The following PHF24 variants were observed in gnomAD, a reference collection of about 807,000 sequenced individuals.
PHF24 encodes PHD finger protein 24.
PHF24 carries 25 observed loss-of-function variants against 42.6 expected under a neutral mutation model. The ratio of observed to expected loss-of-function variants is 0.59; its 90% CI spans 0.43 to 0.82. The LOEUF is 0.82. Among genes scored for constraint, PHF24 ranks in the 40% least tolerant of loss-of-function variants. The probability of loss-of-function intolerance (pLI) is 0.00; values close to 1 mark genes in which losing one functional copy is unlikely to be tolerated. For synonymous variants in PHF24, 185 were observed against 204.8 expected (o/e 0.90, Z 0.83); for missense variants, 470 against 538.1 (o/e 0.87, Z 1.25).
chr9:34,897,709 A>G, the PHF24 span, among the ~76,000 whole-genome samples: 2 of 152,200 alleles, frequency 1.3e-5, no homozygotes, highest in African/African-American at 4.8e-5. Context: ...ATTAGGGAAC[A>G]GGTGGTGTTT....
chr9:34,753,531 G>A, the PHF24 span, among the ~76,000 whole-genome samples: 6 of 152,048 alleles, frequency 3.9e-5, no homozygotes, highest in Non-Finnish European at 5.9e-5. Context: ...CTCATGTATC[G>A]AAAAGCTCCA....
At chr9:34,680,111 C>G in the PHF24 span, among the ~76,000 whole-genome samples, 1 of 152,150 alleles carries the variant, frequency 6.6e-6, no homozygotes, top group Admixed American at 6.5e-5. Context: ...TGCAGTGGCT[C>G]ATGCCTGTAA....
the PHF24 span, among the ~76,000 whole-genome samples, chr9:34,760,053 T>C: frequency 1.2e-4 from 18 of 152,214 alleles, no homozygotes; most frequent in East Asian, 2.3e-3. Context: ...GCATGGATCA[T>C]CACATTTGCC....
the PHF24 span, among the ~76,000 whole-genome samples, chr9:34,703,804 C>T: frequency 3.6e-4 from 55 of 151,866 alleles, no homozygotes; most frequent in African/African-American, 1.3e-3. Context: ...GGGCTTAAGC[C>T]GTTCTCCTAC....
the PHF24 span, among the ~76,000 whole-genome samples, chr9:34,879,354 A>C: frequency 1.3e-5 from 2 of 152,234 alleles, no homozygotes; most frequent in Non-Finnish European, 2.9e-5. Context: ...AGCTGGACAG[A>C]GAATGACTTT....
At chr9:34,754,160 C>T in the PHF24 span, among the ~76,000 whole-genome samples, 5 of 152,078 alleles carry the variant, frequency 3.3e-5, no homozygotes, top group Non-Finnish European at 7.4e-5. Context: ...TAAATGGGAT[C>T]ACACTAAGTT....
At chr9:34,938,773 C>CA in the PHF24 span, among the ~76,000 whole-genome samples, 5,304 of 143,054 alleles carry the variant, frequency 0.037, 147 homozygotes, top group Non-Finnish European at 0.05. Flanking sequence ...ACTAAAAATA[C>CA]AAAAAAAAAA....
At chr9:34,693,040 A>G in the PHF24 span, among the ~76,000 whole-genome samples, 1 of 152,034 alleles carries the variant, frequency 6.6e-6, no homozygotes, top group Non-Finnish European at 1.5e-5. Flanking sequence ...ACTTCAAATG[A>G]TCTGCTTGCC....
At chr9:34,729,004 A>G in the PHF24 span, among the ~76,000 whole-genome samples, 9 of 152,190 alleles carry the variant, frequency 5.9e-5, no homozygotes, top group East Asian at 5.8e-4. Context: ...AACCGGAAAA[A>G]TCCCCCATAT....
chr9:34,893,665 CG>C, the PHF24 span, among the ~76,000 whole-genome samples: 1 of 151,886 alleles, frequency 6.6e-6, no homozygotes, highest in Non-Finnish European at 1.5e-5. Context: ...GCTGGGCTGA[CG>C]ATCTAGAGCT....
At chr9:34,749,418 A>G in the PHF24 span, among the ~76,000 whole-genome samples, 33 of 152,094 alleles carry the variant, frequency 2.2e-4, no homozygotes, top group African/African-American at 7.5e-4. Context: ...TTAATAATCA[A>G]ACTCCTTAAA....
the PHF24 span, chr9:34,889,743 G>C: frequency 2.5e-6 from 1 of 397,340 alleles, no homozygotes; most frequent in Non-Finnish European, 4.4e-6. Flanking sequence ...ATTTTGCCCT[G>C]TAAAACATGG....
upstream of PHF24, among the ~76,000 whole-genome samples, chr9:34,952,856 A>C (rs1826295364): frequency 6.6e-6 from 1 of 152,250 alleles, no homozygotes; most frequent in African/African-American, 2.4e-5. Flanking sequence ...CAAAAAAGGC[A>C]GAGAGGCCAC....
At chr9:34,856,601 G>A in the PHF24 span, among the ~76,000 whole-genome samples, 1 of 152,198 alleles carries the variant, frequency 6.6e-6, no homozygotes, top group Non-Finnish European at 1.5e-5. Context: ...GCACCTAGAG[G>A]TATTACCAGT....
intron 3 of PHF24, 139 bp downstream of exon 3, chr9:34,972,670 C>G: frequency 2.8e-6 from 2 of 708,202 alleles, no homozygotes; most frequent in East Asian, 6.2e-5. Context: ...AATCCCAGCA[C>G]TTTGGGAGGC....
At chr9:34,937,219 G>A in the PHF24 span, among the ~76,000 whole-genome samples, 1 of 152,334 alleles carries the variant, frequency 6.6e-6, no homozygotes, top group South Asian at 2.1e-4. Context: ...GGGGAAAGGT[G>A]GGGAAAAGAT....
chr9:34,672,091 A>T, the PHF24 span, among the ~76,000 whole-genome samples: 1 of 152,204 alleles, frequency 6.6e-6, no homozygotes, highest in Non-Finnish European at 1.5e-5. Flanking sequence ...TGACAAATCT[A>T]TGAAGTGGAT....
At chr9:34,826,522 C>G in the PHF24 span, among the ~76,000 whole-genome samples, 20 of 152,310 alleles carry the variant, frequency 1.3e-4, 1 homozygote, top group African/African-American at 4.8e-4. Flanking sequence ...CATCCTGTGT[C>G]CCTTGCCCTC....
the PHF24 span, among the ~76,000 whole-genome samples, chr9:34,897,443 G>A: frequency 3.9e-5 from 6 of 152,204 alleles, no homozygotes; most frequent in Admixed American, 3.3e-4. Context: ...AGAAGTTTCT[G>A]TTTGGGGTGA....
Sources: allele counts gnomAD v4.1 joint callset (sites outside exome capture counted in the v4.1 genomes callset), GRCh38; gene constraint gnomAD v4.1.1; transcripts MANE v1.5; gene names NCBI Gene and HGNC (gene_info 2026-07-23, HGNC 2026-07-21).